GIT2: variants seen among roughly 807,000 people sequenced by gnomAD.
The protein encoded by GIT2 is GIT ArfGAP 2.
A neutral mutation model predicts 100.3 loss-of-function variants in GIT2; 32 were observed. The ratio of observed to expected loss-of-function variants is 0.32; its 90% CI spans 0.24 to 0.43. The LOEUF is 0.43. Ranked by LOEUF, GIT2 falls within the 20% of genes least tolerant of loss-of-function variation. The pLI is 1.00. For synonymous variants in GIT2, 353 were observed against 364.1 expected, an observed-to-expected ratio of 0.97 and a Z score of 0.35; for missense variants, 737 against 975.1, an observed-to-expected ratio of 0.76 and a Z score of 3.25.
intron 9 of GIT2, among the ~76,000 whole-genome samples, chr12:109,964,071 G>C (rs1315735080): frequency 2.0e-5 from 3 of 152,188 alleles, no homozygotes. Flanking sequence ...TTCCAGTGAA[G>C]CAAATGTAGG....
chr12:109,996,080 C>G, intron 1 of GIT2, 93 bp downstream of exon 1: 1 of 785,444 alleles, frequency 1.3e-6, no homozygotes, highest in Non-Finnish European at 1.9e-6. Context: ...GCGACCCTAG[C>G]CGCGGGATGC....
chr12:109,938,991 T>C (rs1275734903), intron 17 of GIT2, 174 bp downstream of exon 17: 3 of 599,552 alleles, frequency 5.0e-6, no homozygotes, highest in Non-Finnish European at 9.0e-6. Flanking sequence ...TCGGCAACAA[T>C]GTGAGATGAC....
intron 16 of GIT2, 197 bp from the exon 17 acceptor site, chr12:109,939,444 AT>A: frequency 4.3e-6 from 2 of 463,040 alleles, no homozygotes; most frequent in Non-Finnish European, 8.0e-6. Context: ...TCTTTGCACC[AT>A]TTTCTTCTTA....
intron 16 of GIT2, 63 bp downstream of exon 16, chr12:109,945,197 G>T: frequency 2.5e-6 from 2 of 809,278 alleles, no homozygotes; most frequent in Non-Finnish European, 2.2e-6. Flanking sequence ...CAGAGCCCAA[G>T]CACAAAGCGC....
intron 16 of GIT2, among the ~76,000 whole-genome samples, 196 bp downstream of exon 16, chr12:109,945,064 A>G (rs1875910344): frequency 6.6e-6 from 1 of 152,186 alleles, no homozygotes; most frequent in South Asian, 2.1e-4. Context: ...GGTTAGAGAA[A>G]GGGAGGCGCC....
At chr12:109,976,883 C>T (rs1885215657) in intron 7 of GIT2, among the ~76,000 whole-genome samples, 1 of 152,222 alleles carries the variant, frequency 6.6e-6, no homozygotes, top group African/African-American at 2.4e-5. Context: ...GCTACTGCAC[C>T]TGGCTGACAA....
intron 7 of GIT2, among the ~76,000 whole-genome samples, chr12:109,970,310 G>A (rs138296289): frequency 0.02 from 3,079 of 152,070 alleles, 101 homozygotes; most frequent in African/African-American, 0.07. Context: ...TGACTAACAC[G>A]GTGAAACCCC....
chr12:109,957,474 C>A (rs1285220652), intron 12 of GIT2, among the ~76,000 whole-genome samples: 3 of 151,850 alleles, frequency 2.0e-5, no homozygotes, highest in Non-Finnish European at 2.9e-5. Flanking sequence ...GGGACTAAGA[C>A]AATTACATAT....
At chr12:109,974,087 G>A (rs1430321253) in intron 7 of GIT2, among the ~76,000 whole-genome samples, 2 of 151,900 alleles carry the variant, frequency 1.3e-5, no homozygotes, top group Admixed American at 1.3e-4. Context: ...TCTTTTCTAA[G>A]GTAAGAATTT....
intron 15 of GIT2, among the ~76,000 whole-genome samples, chr12:109,946,063 G>A (rs898435480): frequency 1.3e-5 from 2 of 152,048 alleles, no homozygotes. Flanking sequence ...GAACCCAGGA[G>A]GTAAAGGTTG....
At chr12:109,960,096 C>A in intron 11 of GIT2, 138 bp from the exon 12 acceptor site, 1 of 644,016 alleles carries the variant, frequency 1.6e-6, no homozygotes, top group Non-Finnish European at 2.8e-6. Context: ...TTAATCCCAG[C>A]CATAATCAAA....
upstream of GIT2, chr12:109,999,851 C>A: frequency 7.2e-7 from 1 of 1,385,592 alleles, no homozygotes; most frequent in Non-Finnish European, 9.7e-7. This position sits in a 1 kb window ranked among gnomAD's most constrained non-coding sequence, Gnocchi z 4.3. Context: ...GTTTCGCCTC[C>A]CTGAGCCCAT....
chr12:109,953,241 A>G lies in GIT2; in HGVS notation c.1100-7T>C, dbSNP rs778827664. ...AGTATGAGCTCCACATTGTCTATCA[A>G]TAAAAGCAAACAACTTTACTTCAGG... On this transcript the variant is annotated splice_polypyrimidine_tract_variant and splice_region_variant and intron_variant, in intron 12 of 19. Coordinates refer to ENST00000355312, the MANE Select transcript of GIT2 (RefSeq NM_057169.5). 3.1e-6 allele frequency: 5 copies of G among 1,613,088 alleles called. No individual in the cohort carries two copies. Among genetic ancestry groups the G allele is most frequent in the East Asian group, 4.5e-5 (2 of 44,890 alleles).
intron 4 of GIT2, among the ~76,000 whole-genome samples, chr12:109,986,553 A>G (rs1438788458): frequency 6.6e-6 from 1 of 152,150 alleles, no homozygotes; most frequent in Non-Finnish European, 1.5e-5. Flanking sequence ...TCACGAGGTC[A>G]GGAAATCGGG....
rs73404603 is a variant in GIT2, at chr12:109,991,532, T to A, written c.186+95A>T. 1.2e-3 allele frequency: 1,160 copies of A among 933,274 alleles called. 7 individuals carry two copies. In the African/African-American group the frequency reaches 0.017, roughly 14 times the overall value. The allele number at this position is 933,274 out of a possible 1,614,324, so 57.8% of individuals were successfully genotyped here. The stretch of plus-strand genomic sequence containing the variant: ...TATTCAATTATGAAACAGTTTTGTC[T>A]TATGGAAGAAGTACACCAGGAGAAA... On this transcript the variant is annotated intron_variant, in intron 2 of 19. Coordinates refer to ENST00000355312, the MANE Select transcript of GIT2 (RefSeq NM_057169.5).
In GIT2 at chr12:109,983,707, G is replaced by A. The variant is rs780852300; in HGVS notation, c.406-13C>T. On this transcript the variant is annotated splice_polypyrimidine_tract_variant and intron_variant, in intron 4 of 19. Coordinates refer to ENST00000355312, the MANE Select transcript of GIT2 (RefSeq NM_057169.5). ...TCGAATGGAGTTGCTGAAAAACGCA[G>A]AAACAAAAAAGGAATCGTGGTTAGA... 13 of 1,587,862 alleles carry A rather than the reference G, an allele frequency of 8.2e-6. No individual in the cohort carries two copies. Among genetic ancestry groups the A allele is most frequent in the Admixed American group, 6.9e-5 (4 of 57,614 alleles).
intron 8 of GIT2, among the ~76,000 whole-genome samples, chr12:109,967,096 A>T (rs1340080114): frequency 6.6e-6 from 1 of 152,204 alleles, no homozygotes; most frequent in Non-Finnish European, 1.5e-5. Context: ...ACAAAGTCTA[A>T]AATATTTATT....
intron 12 of GIT2, chr12:109,954,322 A>T (rs1302368254): frequency 6.6e-6 from 1 of 152,112 alleles, no homozygotes; most frequent in African/African-American, 2.4e-5. Context: ...GAATAGAAAC[A>T]TTGGCATTTA....
intron 7 of GIT2, among the ~76,000 whole-genome samples, chr12:109,979,166 G>A (rs2136724030): frequency 6.6e-6 from 1 of 152,170 alleles, no homozygotes; most frequent in Admixed American, 6.5e-5. Flanking sequence ...GGGGCTGGAT[G>A]GGAGAGATCA....
Sources: gnomAD v4.1 joint callset for allele counts (sites outside exome capture counted in the v4.1 genomes callset) on GRCh38, gnomAD v4.1.1 for gene constraint, Gnocchi (gnomAD v3.1) non-coding constraint, MANE v1.5 for transcripts, NCBI Gene and HGNC (gene_info 2026-07-23, HGNC 2026-07-21) for gene names.